Variants in NECAP2 observed in about 807,000 individuals in gnomAD.
The protein encoded by NECAP2 is NECAP endocytosis associated 2, also known as adaptin ear-binding coat-associated protein 2.
Under a neutral mutation model 37.8 loss-of-function variants are expected in NECAP2, and 38 were observed. That is an observed-to-expected ratio of 1.01 (90% CI 0.78 to 1.32). The LOEUF is 1.32. Among genes scored for constraint, NECAP2 ranks in the 40% most tolerant of loss-of-function variants. NECAP2 has a pLI of 0.00. For missense variants in NECAP2, 316 were observed against 334.5 expected, an observed-to-expected ratio of 0.94 and a Z score of 0.43; for synonymous variants, 121 against 127.7, an observed-to-expected ratio of 0.95 and a Z score of 0.35.
At position 16,459,105 on chromosome 1, in the gene NECAP2, CAGG is replaced by C; in HGVS notation, c.*218_*220del. The C allele has an allele frequency of 2.7e-6, 3 of 1,120,370 alleles. No individual in the cohort carries two copies. Among genetic ancestry groups the C allele is most frequent in the South Asian group, 1.7e-5 (1 of 60,416 alleles). The allele number at this position is 1,120,370 out of a possible 1,614,324, so 69.4% of individuals were successfully genotyped here. On this transcript the variant is annotated 3_prime_UTR_variant, in exon 8 of 8. Coordinates refer to ENST00000337132, the MANE Select transcript of NECAP2 (RefSeq NM_018090.5). Reference sequence around the variant, plus strand: ...GGGATTCAAGTATGCAACCAGAACACAGGAGAAGAAAAGCTCCAGGATCCCTGT... The same window carrying C: ...GGGATTCAAGTATGCAACCAGAACACAGAAGAAAAGCTCCAGGATCCCTGT...
At chr1:16,446,653 C>T (rs763081095) in intron 2 of NECAP2, among the ~76,000 whole-genome samples, 3 of 152,100 alleles carry the variant, frequency 2.0e-5, no homozygotes, top group Non-Finnish European at 4.4e-5. Context: ...CAGGGATCCT[C>T]CTGCCTCAGC....
At chr1:16,441,667 C>T (rs1420447012) in intron 1 of NECAP2, 3 of 152,144 alleles carry the variant, frequency 2.0e-5, no homozygotes, top group Non-Finnish European at 4.4e-5. Context: ...GGGGAGTGCT[C>T]GTATTTGCGG....
At chr1:16,448,969 C>T in intron 4 of NECAP2, 124 bp from the exon 5 acceptor site, 2 of 646,290 alleles carry the variant, frequency 3.1e-6, no homozygotes, top group South Asian at 2.0e-5. Context: ...TGCACTCTTT[C>T]CAGCACCCCG....
intron 7 of NECAP2, among the ~76,000 whole-genome samples, chr1:16,458,192 A>G (rs1372417789): frequency 2.6e-5 from 4 of 152,200 alleles, no homozygotes; most frequent in African/African-American, 7.2e-5. Context: ...AACAGTTTTT[A>G]TATTTTATTT....
rs999369336 is a variant in NECAP2, at chr1:16,459,435, A to C, written c.*545A>C. On this transcript the variant is annotated 3_prime_UTR_variant, in exon 8 of 8. Coordinates refer to ENST00000337132, the MANE Select transcript of NECAP2 (RefSeq NM_018090.5). ...CAGGAGGGAAATTGGAAGGATTAGC[A>C]GCTTTTAAAAATGTTTAAATATTTT... 6.5e-6 allele frequency: 1 copy of C among 153,100 alleles called. No homozygotes were observed. The highest frequency in any genetic ancestry group is 2.4e-5 in the African/African-American group (1 of 41,482). The allele number at this position is 153,100 out of a possible 1,614,324, so 9.5% of individuals were successfully genotyped here.
At chr1:16,441,883 AAAC>A (rs1196060864) in intron 1 of NECAP2, among the ~76,000 whole-genome samples, 3 of 152,316 alleles carry the variant, frequency 2.0e-5, no homozygotes, top group South Asian at 2.1e-4. Context: ...ATAAAAACAA[AAAC>A]AACAATAACC....
Position 16,452,021 on chromosome 1 carries a change from T to C in NECAP2, c.667+6T>C. 6.4e-7 allele frequency: 1 copy of C among 1,567,634 alleles called. No homozygotes were observed. The highest frequency in any genetic ancestry group is 8.6e-7 in the Non-Finnish European group (1 of 1,157,722). On this transcript the variant is annotated splice_donor_region_variant and intron_variant, in intron 6 of 7. Transcript: ENST00000337132. ...AGCAGTTGCTCCCAGTTCAGGTTAG[T>C]GCTCAGTGGGTGACTGCTGCATCAG...
intron 2 of NECAP2, among the ~76,000 whole-genome samples, chr1:16,444,199 A>G (rs767363608): frequency 3.9e-5 from 6 of 152,192 alleles, no homozygotes; most frequent in Non-Finnish European, 5.9e-5. Context: ...TAGTGAGAGG[A>G]CGAGCTGAGC....
Position 16,459,835 on chromosome 1 carries a change from ACTT to A in NECAP2, c.*949_*951del, listed in dbSNP as rs1448220470. ...TTCTAAAGTGCCTTATCTGCAAACA[ACTT>A]CTTTTCTCCTTCAGGAACTGTGAAT... is the stretch of plus-strand genomic sequence containing the variant. On this transcript the variant is annotated 3_prime_UTR_variant, in exon 8 of 8. Coordinates refer to ENST00000337132, the MANE Select transcript of NECAP2 (RefSeq NM_018090.5). 6.6e-6 allele frequency: 1 copy of A among 152,156 alleles called. No homozygotes were observed. Among genetic ancestry groups the A allele is most frequent in the African/African-American group, 2.4e-5 (1 of 41,434 alleles). The allele number at this position is 152,156 out of a possible 1,614,324, so 9.4% of individuals were successfully genotyped here.
At chr1:16,445,483 C>T (rs998392539) in intron 2 of NECAP2, among the ~76,000 whole-genome samples, 19 of 152,156 alleles carry the variant, frequency 1.2e-4, no homozygotes, top group African/African-American at 4.6e-4. Context: ...GCAAAATCAC[C>T]CCTGATTGAG....
intron 1 of NECAP2, among the ~76,000 whole-genome samples, chr1:16,442,734 C>G (rs1055444854): frequency 6.6e-6 from 1 of 152,194 alleles, no homozygotes; most frequent in African/African-American, 2.4e-5. Context: ...TCAGGACCAG[C>G]CTGGGCAACA....
intron 6 of NECAP2, among the ~76,000 whole-genome samples, chr1:16,455,215 AGCACAAAAGCAGGCATT>A (rs1277530039): frequency 6.6e-6 from 1 of 152,184 alleles, no homozygotes; most frequent in African/African-American, 2.4e-5. Flanking sequence ...GTGCCTGAAA[AGCACAAAAGCAGGCATT>A]GCAGCCCCAT....
chr1:16,451,718 C>T (rs2086844848), intron 5 of NECAP2, 120 bp from the exon 6 acceptor site: 1 of 938,506 alleles, frequency 1.1e-6, no homozygotes, highest in Non-Finnish European at 1.7e-6. Flanking sequence ...TAGGTAGGAC[C>T]ATCTTTTGGT....
At chr1:16,442,885 G>A (rs1233617144) in intron 1 of NECAP2, among the ~76,000 whole-genome samples, 3 of 152,192 alleles carry the variant, frequency 2.0e-5, no homozygotes, top group African/African-American at 7.2e-5. Flanking sequence ...TTGCGCCACT[G>A]CACTTCAGCC....
chr1:16,454,531 A>T (rs279017), intron 6 of NECAP2, among the ~76,000 whole-genome samples: 116,642 of 151,792 alleles, frequency 0.77, 45,956 homozygotes, highest in African/African-American at 0.93. Context: ...AATTTTTGTA[A>T]TTTTAGTAGA....
chr1:16,458,737 A>G, intron 7 of NECAP2, 105 bp from the exon 8 acceptor site: 2 of 1,164,002 alleles, frequency 1.7e-6, no homozygotes, highest in South Asian at 1.3e-5. Flanking sequence ...ACATTTAGGA[A>G]CTGGCTTCTT....
chr1:16,443,018 C>T (rs2086711377), intron 1 of NECAP2, among the ~76,000 whole-genome samples: 1 of 152,198 alleles, frequency 6.6e-6, no homozygotes, highest in Admixed American at 6.5e-5. Flanking sequence ...TACTGTTGTT[C>T]TCCTTTTCTC....
At position 16,451,852 on chromosome 1, in the gene NECAP2, G is replaced by C. The variant is rs770049161; in HGVS notation, c.504G>C (p.Lys168Asn). 29 of 1,614,010 alleles carry C rather than the reference G, an allele frequency of 1.8e-5. No individual in the cohort carries two copies. Among genetic ancestry groups the C allele is most frequent in the Non-Finnish European group, 2.4e-5 (28 of 1,179,998 alleles). ...TCCCTCTTTAGAACATGAAGAAGAA[G>C]GAAGGAGCAGCTGGGAATCCCCGAG... ...IKLNIANMKK[K>N]EGAAGNPRVR... is the part of the protein sequence containing the mutation. The change falls in exon 6 of 8, where the codon AAG (lysine) becomes AAC (asparagine). Residue 168 changes from lysine (K) to asparagine (N), a missense_variant. By Grantham distance (94) the Lys-to-Asn change is moderately conservative (BLOSUM62 0). This residue lies in a region of NECAP2 where 204 missense variants were observed against 188.6 expected (regional missense o/e 1.08). Coordinates refer to ENST00000337132, the MANE Select transcript of NECAP2 (RefSeq NM_018090.5).
intron 6 of NECAP2, among the ~76,000 whole-genome samples, chr1:16,455,245 C>A (rs575884924): frequency 6.6e-6 from 1 of 152,304 alleles, no homozygotes; most frequent in East Asian, 1.9e-4. Flanking sequence ...AGCCCCATGG[C>A]GTCGCCTACC....
Sources: allele counts gnomAD v4.1 joint callset (sites outside exome capture counted in the v4.1 genomes callset), GRCh38; gene constraint gnomAD v4.1.1; regional missense constraint gnomAD v4.1.1; transcripts MANE v1.5; gene names NCBI Gene and HGNC (gene_info 2026-07-23, HGNC 2026-07-21).